Variants in TLN2 observed in about 807,000 individuals in gnomAD.
TLN2 encodes the protein talin-2.
A neutral mutation model predicts 294.7 loss-of-function variants in TLN2; 118 were observed. The observed-to-expected ratio is 0.40, with a 90% CI of 0.34 to 0.47. The LOEUF (loss-of-function observed/expected upper bound fraction) is 0.47, where lower values mean the gene tolerates loss of function less well. TLN2 is among the 20% of genes least tolerant of loss of function. The pLI is 0.84. For synonymous variants in TLN2, 1,431 were observed against 1,304.5 expected, an observed-to-expected ratio of 1.10 and a Z score of -2.09; for missense variants, 3,083 against 3,282.2, an observed-to-expected ratio of 0.94 and a Z score of 1.48.
chr15:62,491,155 C>G (rs1405989351), intron 1 of TLN2, among the ~76,000 whole-genome samples: 1 of 152,032 alleles, frequency 6.6e-6, no homozygotes, highest in African/African-American at 2.4e-5. Flanking sequence ...AACCCTGTCT[C>G]TACTAAAAAT....
intron 1 of TLN2, among the ~76,000 whole-genome samples, chr15:62,545,033 C>T (rs1287541924): frequency 1.3e-5 from 2 of 151,974 alleles, no homozygotes; most frequent in Non-Finnish European, 1.5e-5. Flanking sequence ...GGGCTCACAC[C>T]ATTCTCCTGC....
intron 1 of TLN2, among the ~76,000 whole-genome samples, chr15:62,553,797 T>C (rs2042454201): frequency 6.6e-6 from 1 of 152,194 alleles, no homozygotes; most frequent in African/African-American, 2.4e-5. Flanking sequence ...GGTGGAAAAA[T>C]GCTTCCTTAT....
chr15:62,494,802 G>C (rs768165459), intron 1 of TLN2, among the ~76,000 whole-genome samples: 1 of 152,104 alleles, frequency 6.6e-6, no homozygotes, highest in African/African-American at 2.4e-5. Flanking sequence ...TTCGGTGCTG[G>C]AAAGTGGTTA....
chr15:62,721,994 T>C (rs2060177672), intron 25 of TLN2, among the ~76,000 whole-genome samples: 1 of 152,218 alleles, frequency 6.6e-6, no homozygotes, highest in African/African-American at 2.4e-5. Context: ...AAGCAGTCTT[T>C]TGAGTGTACG....
rs71125998 is a variant in TLN2, at chr15:62,411,429, ATGTGTGTGTG to A, written c.-238+20782_-238+20791del. 8.1e-3 allele frequency among the ~76,000 whole-genome samples: 1,102 copies of A among 136,676 alleles called. 16 individuals carry two copies. Among genetic ancestry groups the A allele is most frequent in the East Asian group, 0.069 (325 of 4,724 alleles). 89.7% of individuals were successfully genotyped at this position (136,676 alleles called of 152,430 possible). A position where few individuals can be genotyped will look rare whatever the true frequency, so the allele number is the denominator to read the frequency against. On this transcript the variant is annotated intron_variant, in intron 1 of 58. Transcript: ENST00000636159. Reference sequence around the variant, plus strand: ...CCTCCTTAGAGAGTGTGAGTAATGGATGTGTGTGTGTGTGTGTGTGTGTGTGTGTGTGTGT... The same window carrying A: ...CCTCCTTAGAGAGTGTGAGTAATGGATGTGTGTGTGTGTGTGTGTGTGTGT...
intron 44 of TLN2, among the ~76,000 whole-genome samples, chr15:62,782,246 ACT>A (rs1429718411): frequency 7.9e-5 from 12 of 152,004 alleles, no homozygotes; most frequent in Admixed American, 2.6e-4. Flanking sequence ...ATTCATGGAA[ACT>A]CTGTGATTGT....
intron 37 of TLN2, among the ~76,000 whole-genome samples, chr15:62,760,246 G>A (rs1567544917): frequency 6.6e-6 from 1 of 152,144 alleles, no homozygotes; most frequent in Admixed American, 6.5e-5. Flanking sequence ...CCAGGCTTGC[G>A]GGAATTCCTC....
At chr15:62,584,122 T>A (rs1294191001) in intron 1 of TLN2, among the ~76,000 whole-genome samples, 2 of 152,186 alleles carry the variant, frequency 1.3e-5, no homozygotes, top group Admixed American at 1.3e-4. Flanking sequence ...GAACTAATTA[T>A]AACATTATTT....
At chr15:62,577,475 A>T (rs982273268) in intron 1 of TLN2, among the ~76,000 whole-genome samples, 6 of 152,140 alleles carry the variant, frequency 3.9e-5, no homozygotes, top group Non-Finnish European at 5.9e-5. Context: ...AACAAAAACA[A>T]AAAACACAAA....
At chr15:62,393,081 G>T (rs903492836) in intron 1 of TLN2, among the ~76,000 whole-genome samples, 11 of 152,008 alleles carry the variant, frequency 7.2e-5, no homozygotes, top group African/African-American at 2.7e-4. Flanking sequence ...AGCTAATTTA[G>T]AAGAGAAATC....
At chr15:62,694,008 G>T (rs181565777) in intron 13 of TLN2, among the ~76,000 whole-genome samples, 1 of 127,826 alleles carries the variant, frequency 7.8e-6, no homozygotes. Flanking sequence ...TCCCTCAGTC[G>T]CCCAGGCTGG....
intron 37 of TLN2, chr15:62,758,694 A>T (rs1171881336): frequency 6.6e-6 from 1 of 152,110 alleles, no homozygotes; most frequent in Admixed American, 6.6e-5. Context: ...CTATGTTTGG[A>T]TTGGGAAAGT....
intron 1 of TLN2, among the ~76,000 whole-genome samples, chr15:62,545,145 A>G (rs2041920067): frequency 6.7e-6 from 1 of 148,642 alleles, no homozygotes; most frequent in Admixed American, 6.7e-5. Flanking sequence ...TCACTGTGTT[A>G]GCCAGGATGG....
intron 1 of TLN2, among the ~76,000 whole-genome samples, chr15:62,570,653 C>T (rs1401943957): frequency 6.6e-6 from 1 of 152,144 alleles, no homozygotes; most frequent in Non-Finnish European, 1.5e-5. Context: ...ACATTTTGGG[C>T]CGGATCATTT....
chr15:62,465,528 G>T (rs1212330922), intron 1 of TLN2, among the ~76,000 whole-genome samples: 1 of 152,146 alleles, frequency 6.6e-6, no homozygotes. Flanking sequence ...AAACTATCGG[G>T]TTATGTGTGG....
intron 1 of TLN2, among the ~76,000 whole-genome samples, chr15:62,493,259 C>T (rs1052834742): frequency 6.6e-6 from 1 of 152,120 alleles, no homozygotes; most frequent in Admixed American, 6.5e-5. Flanking sequence ...GTGCTTGTTG[C>T]GGGAACTGAG....
At chr15:62,648,545 A>ATT (rs749151123) in intron 4 of TLN2, among the ~76,000 whole-genome samples, 66,774 of 120,412 alleles carry the variant, frequency 0.55, 20,220 homozygotes, top group Middle Eastern at 0.75. Flanking sequence ...GATGATGACG[A>ATT]TTTTTTTTTT....
intron 1 of TLN2, among the ~76,000 whole-genome samples, chr15:62,435,325 C>T (rs1376494077): frequency 2.0e-5 from 3 of 152,180 alleles, no homozygotes; most frequent in Non-Finnish European, 2.9e-5. Flanking sequence ...GCCTCCAGAT[C>T]TTTGCAGAAT....
chr15:62,514,084 T>C (rs919934642), intron 1 of TLN2, among the ~76,000 whole-genome samples: 4 of 152,262 alleles, frequency 2.6e-5, no homozygotes, highest in African/African-American at 9.6e-5. Flanking sequence ...GCATAATATA[T>C]GCGCACAGCA....
Sources: gnomAD v4.1 joint callset for allele counts (sites outside exome capture counted in the v4.1 genomes callset) on GRCh38, gnomAD v4.1.1 for gene constraint, MANE v1.5 for transcripts, NCBI Gene and HGNC (gene_info 2026-07-23, HGNC 2026-07-21) for gene names.